EXOC4: variants seen among roughly 807,000 people sequenced by gnomAD.
EXOC4 encodes the protein SEC8-like 1.
A neutral mutation model predicts 107.2 loss-of-function variants in EXOC4; 71 were observed. The observed-to-expected ratio is 0.66, with a 90% CI of 0.55 to 0.81. The LOEUF (loss-of-function observed/expected upper bound fraction) is 0.81. Among genes scored for constraint, EXOC4 ranks in the 30% least tolerant of loss-of-function variants. The pLI, the probability that EXOC4 is intolerant of heterozygous loss-of-function variation, is 0.00. For synonymous variants in EXOC4, 456 were observed against 441.2 expected (o/e 1.03, Z -0.42); for missense variants, 1,108 against 1,189.6 (o/e 0.93, Z 1.01).
chr7:133,711,983 C>G (rs553209141), intron 10 of EXOC4, among the ~76,000 whole-genome samples: 3 of 152,128 alleles, frequency 2.0e-5, no homozygotes, highest in African/African-American at 7.2e-5. Flanking sequence ...GTGGATTTGA[C>G]AAACATCAAG....
intron 7 of EXOC4, among the ~76,000 whole-genome samples, chr7:133,423,954 G>A (rs760072003): frequency 1.3e-4 from 20 of 152,314 alleles, no homozygotes; most frequent in African/African-American, 4.1e-4. Flanking sequence ...AGGTGAAGCC[G>A]GCTGGGCTTC....
intron 5 of EXOC4, among the ~76,000 whole-genome samples, chr7:133,356,002 C>T (rs1192507215): frequency 3.3e-5 from 5 of 152,150 alleles, no homozygotes; most frequent in African/African-American, 1.2e-4. Context: ...CCACATATGG[C>T]ATTTTATAAA....
chr7:133,798,429 TTACAAAGAAATA>T (rs1796860667), intron 10 of EXOC4, among the ~76,000 whole-genome samples: 1 of 6,138 alleles, frequency 1.6e-4, no homozygotes, highest in African/African-American at 3.2e-4. Context: ...CTTGGCATAT[TTACAAAGAAATA>T]AACAAAGGAA....
intron 17 of EXOC4, among the ~76,000 whole-genome samples, chr7:134,048,818 G>A (rs1795717283): frequency 6.6e-6 from 1 of 152,114 alleles, no homozygotes; most frequent in African/African-American, 2.4e-5. Context: ...ACAAGCTTGG[G>A]GATGTGGAGT....
intron 9 of EXOC4, among the ~76,000 whole-genome samples, chr7:133,607,951 A>C (rs1269751724): frequency 2.0e-5 from 3 of 152,238 alleles, no homozygotes; most frequent in Non-Finnish European, 2.9e-5. Flanking sequence ...CAAAATTGCT[A>C]TCAGTAAGTC....
intron 5 of EXOC4, among the ~76,000 whole-genome samples, chr7:133,352,097 T>A (rs570566791): frequency 6.6e-6 from 1 of 152,018 alleles, no homozygotes. Flanking sequence ...CAGCCTAATA[T>A]ATGGTTTGTC....
chr7:133,576,602 G>T, intron 9 of EXOC4: 1 of 1,289,770 alleles, frequency 7.8e-7, no homozygotes, highest in Non-Finnish European at 1.0e-6. Context: ...GATTTCTCAA[G>T]GGGGTAGAGA....
chr7:133,855,132 T>TATATATAA (rs1563028627), intron 11 of EXOC4, among the ~76,000 whole-genome samples: 1 of 70,390 alleles, frequency 1.4e-5, no homozygotes, highest in African/African-American at 7.5e-5. Flanking sequence ...TATATAAATA[T>TATATATAA]ATATATATAT....
At chr7:133,617,170 C>A (rs1337327223) in intron 9 of EXOC4, among the ~76,000 whole-genome samples, 2 of 152,094 alleles carry the variant, frequency 1.3e-5, no homozygotes. Context: ...GTATTCTGCT[C>A]TATATTAATT....
At position 133,674,971 on chromosome 7, in the gene EXOC4, G is replaced by A. The variant is rs369182823; in HGVS notation, c.1514+44830G>A. On this transcript the variant is annotated intron_variant, in intron 10 of 17. Coordinates refer to ENST00000253861, the MANE Select transcript of EXOC4 (RefSeq NM_021807.4). The stretch of plus-strand genomic sequence containing the variant: ...GCATCTGAATTCAGTGAGACTCAGG[G>A]AGGGAAAAGACTCAGTCACATTAGC... Among the ~76,000 whole-genome samples the A allele has an allele frequency of 5.3e-5, 8 of 152,168 alleles. No homozygotes were observed. The East Asian group carries it at 5.8e-4, about 11-fold the overall frequency.
At chr7:133,755,449 TTCTCC>T (rs1795896509) in intron 10 of EXOC4, among the ~76,000 whole-genome samples, 1 of 147,974 alleles carries the variant, frequency 6.8e-6, no homozygotes, top group Admixed American at 6.8e-5. Context: ...GTTCAAGCGA[TTCTCC>T]TGCCTCAGCC....
At chr7:133,963,655 A>G (rs1800997353) in intron 14 of EXOC4, among the ~76,000 whole-genome samples, 1 of 152,248 alleles carries the variant, frequency 6.6e-6, no homozygotes, top group African/African-American at 2.4e-5. Flanking sequence ...CAAAAAGGAA[A>G]GAATTGAGAA....
chr7:133,348,628 T>G (rs1795839843), intron 5 of EXOC4, among the ~76,000 whole-genome samples: 1 of 152,190 alleles, frequency 6.6e-6, no homozygotes, highest in Admixed American at 6.5e-5. Flanking sequence ...GCTTACAATT[T>G]TGCGTATTTC....
chr7:133,974,641 G>A (rs1585292432), intron 14 of EXOC4, among the ~76,000 whole-genome samples: 1 of 152,218 alleles, frequency 6.6e-6, no homozygotes, highest in Middle Eastern at 3.4e-3. Flanking sequence ...TGTCCCATTC[G>A]GGAGATAGAG....
chr7:133,348,533 C>T (rs1490988658), intron 5 of EXOC4, among the ~76,000 whole-genome samples: 4 of 152,166 alleles, frequency 2.6e-5, no homozygotes, highest in African/African-American at 7.2e-5. Context: ...GTATGTGTCA[C>T]GTTTGTGACT....
intron 11 of EXOC4, among the ~76,000 whole-genome samples, chr7:133,835,457 T>C (rs1797899162): frequency 6.6e-6 from 1 of 152,200 alleles, no homozygotes; most frequent in South Asian, 2.1e-4. Flanking sequence ...CATAGGTAGA[T>C]AAGAGACAAA....
At chr7:133,857,535 C>T (rs994641909) in intron 11 of EXOC4, among the ~76,000 whole-genome samples, 1 of 148,918 alleles carries the variant, frequency 6.7e-6, no homozygotes, top group South Asian at 2.1e-4. Context: ...CTGCTCGGCT[C>T]ATGCTACAGA....
At chr7:133,637,262 A>C (rs1296235932) in intron 10 of EXOC4, among the ~76,000 whole-genome samples, 1 of 152,218 alleles carries the variant, frequency 6.6e-6, no homozygotes, top group Non-Finnish European at 1.5e-5. Flanking sequence ...AGTACTTATA[A>C]TATCACATAT....
intron 5 of EXOC4, among the ~76,000 whole-genome samples, chr7:133,347,597 A>G (rs1240246697): frequency 6.6e-6 from 1 of 152,148 alleles, no homozygotes; most frequent in Non-Finnish European, 1.5e-5. Flanking sequence ...GACCATAGAT[A>G]TTATCTAGTC....
Sources: allele counts gnomAD v4.1 joint callset (sites outside exome capture counted in the v4.1 genomes callset), GRCh38; gene constraint gnomAD v4.1.1; transcripts MANE v1.5; gene names NCBI Gene and HGNC (gene_info 2026-07-23, HGNC 2026-07-21).